The following POLR1A variants were observed in gnomAD, a reference collection of about 807,000 sequenced individuals.
POLR1A encodes DNA-directed RNA polymerase I subunit RPA1.
In POLR1A, 84 loss-of-function variants were observed where a neutral mutation model predicts 205.3. That is an observed-to-expected ratio of 0.41 (90% CI 0.34 to 0.49). The LOEUF is 0.49. Among genes scored for constraint, POLR1A ranks in the 20% least tolerant of loss-of-function variants. The pLI, the probability that POLR1A is intolerant of heterozygous loss-of-function variation, is 0.22. For missense variants in POLR1A, 1,645 were observed against 2,204.5 expected, an observed-to-expected ratio of 0.75 and a Z score of 5.08; for synonymous variants, 799 against 863.7, an observed-to-expected ratio of 0.93 and a Z score of 1.31.
At chr2:86,097,270 AG>A (rs1673723163) in intron 3 of POLR1A, among the ~76,000 whole-genome samples, 1 of 142,862 alleles carries the variant, frequency 7.0e-6, no homozygotes, top group South Asian at 2.4e-4. Context: ...TGTGGAGAAA[AG>A]GGAACTCTTA....
rs767220339 is a variant in POLR1A at position 86,098,668 on chromosome 2, C to T, written c.375G>A (p.Arg125=). The part of the protein sequence containing the change: ...AVIHLLLCQL[R]VLEVGALQAV... ...CTTGTAGGGCCCCGACTTCCAGAAC[C>T]CTCAGCTGGCAGAGTAAGAGGTGAA... The change falls in exon 3 of 34, where the codon AGG becomes AGA. Residue 125 remains arginine (R), a synonymous_variant. Transcript: ENST00000263857. The T allele has an allele frequency of 3.1e-6, 5 of 1,613,634 alleles. No homozygotes were observed. The highest frequency in any genetic ancestry group is 3.4e-6 in the Non-Finnish European group (4 of 1,179,924).
At chr2:86,048,635 A>G (rs1260001887) in intron 18 of POLR1A, among the ~76,000 whole-genome samples, 1 of 152,232 alleles carries the variant, frequency 6.6e-6, no homozygotes, top group Non-Finnish European at 1.5e-5. Flanking sequence ...AAACATTTAT[A>G]AAGAAAAACA....
Position 86,105,691 on chromosome 2 carries a change from A to ACTC in POLR1A, c.77+6_77+8dup. On this transcript the variant is annotated intron_variant, in intron 1 of 33. Coordinates refer to ENST00000263857, the MANE Select transcript of POLR1A (RefSeq NM_015425.6). ...CCAGGCTGGGCACGCTACCCGACCA[A>ACTC]CTCCTTACTTGAGCTCTTCAGCCGA... 1 of 1,603,334 alleles carries ACTC rather than the reference A, an allele frequency of 6.2e-7. No individual in the cohort carries two copies. The highest frequency in any genetic ancestry group is 1.1e-5 in the South Asian group (1 of 90,868).
chr2:86,096,081 T>G (rs536806659), intron 3 of POLR1A, among the ~76,000 whole-genome samples: 1 of 152,028 alleles, frequency 6.6e-6, no homozygotes, highest in South Asian at 2.1e-4. Flanking sequence ...CTCTTAGAAC[T>G]CATAAACAAA....
intron 11 of POLR1A, 58 bp from the exon 12 acceptor site, chr2:86,075,318 A>C: frequency 8.1e-7 from 1 of 1,228,314 alleles, no homozygotes; most frequent in Non-Finnish European, 1.2e-6. Context: ...GGTCTGATGG[A>C]CCCCAAATCT....
At chr2:86,056,455 A>T (rs184050088) in intron 14 of POLR1A, among the ~76,000 whole-genome samples, 1 of 152,186 alleles carries the variant, frequency 6.6e-6, no homozygotes, top group East Asian at 1.9e-4. Flanking sequence ...CCATCTCAAA[A>T]AGAAAAAAAA....
In POLR1A at chr2:86,070,164, CT is replaced by C; in HGVS notation, c.1719del (p.Val574CysfsTer21). 1 of 1,614,214 alleles carries C rather than the reference CT, an allele frequency of 6.2e-7. No homozygotes were observed. Among genetic ancestry groups the C allele is most frequent in the Non-Finnish European group, 8.5e-7 (1 of 1,180,040 alleles). ...CAGTTGGCATAGTGGAGCCGCAGCA[CT>C]TTCTCTTCAGGCAGGATGCGGGCAC... The part of the protein sequence containing the change: ...AHRARILPEE[K>X]VLRLHYANCK... On this transcript the variant is annotated frameshift_variant, in exon 13 of 34. Coordinates refer to ENST00000263857, the MANE Select transcript of POLR1A (RefSeq NM_015425.6). LOFTEE classifies it high-confidence loss of function. This position sits in a 1 kb window ranked among gnomAD's most constrained non-coding sequence, Gnocchi z 4.4.
chr2:86,039,021 G>A lies in POLR1A; in HGVS notation c.3877-164C>T, dbSNP rs1672550572. 2.3e-5 allele frequency: 16 copies of A among 684,770 alleles called. No homozygotes were observed. The South Asian group carries it at 3.1e-4, about 13-fold the overall frequency. 42.4% of individuals were successfully genotyped at this position (684,770 alleles called of 1,614,324 possible). A position where few individuals can be genotyped will look rare whatever the true frequency, so the allele number is the denominator to read the frequency against. On this transcript the variant is annotated intron_variant, in intron 26 of 33. Coordinates refer to ENST00000263857, the MANE Select transcript of POLR1A (RefSeq NM_015425.6). ...CTATACTGGTGTGGATCTGCTGGGG[G>A]GCCCACAGCCTGCAGTCACCTCCAG...
intron 6 of POLR1A, 111 bp from the exon 7 acceptor site, chr2:86,083,279 A>G (rs1261067480): frequency 1.3e-6 from 1 of 757,786 alleles, no homozygotes; most frequent in African/African-American, 1.7e-5. Context: ...CACAAAAATC[A>G]ATCTCAAGGG....
intron 1 of POLR1A, 142 bp from the exon 2 acceptor site, chr2:86,100,314 T>C: frequency 1.5e-6 from 1 of 662,888 alleles, no homozygotes; most frequent in African/African-American, 1.8e-5. Context: ...TTCTCACTAG[T>C]GTACCCCAAC....
At chr2:86,052,357 T>G (rs965758256) in intron 16 of POLR1A, among the ~76,000 whole-genome samples, 3 of 152,030 alleles carry the variant, frequency 2.0e-5, no homozygotes, top group African/African-American at 7.3e-5. Context: ...GTATGAGAAA[T>G]CAGTCCGAGG....
At chr2:86,074,098 C>T (rs550049926) in intron 12 of POLR1A, among the ~76,000 whole-genome samples, 18 of 152,282 alleles carry the variant, frequency 1.2e-4, no homozygotes, top group Non-Finnish European at 2.1e-4. Flanking sequence ...CTCAGGACGG[C>T]GGTGAGAACG....
At chr2:86,072,197 C>T (rs148046618) in intron 12 of POLR1A, among the ~76,000 whole-genome samples, 203 of 152,300 alleles carry the variant, frequency 1.3e-3, no homozygotes, top group African/African-American at 4.5e-3. Flanking sequence ...GCATGGAGTC[C>T]GTCTTTTTGC....
intron 1 of POLR1A, among the ~76,000 whole-genome samples, chr2:86,103,779 C>G (rs560947736): frequency 6.6e-6 from 1 of 152,174 alleles, no homozygotes; most frequent in South Asian, 2.1e-4. Context: ...CAAAAAGTCA[C>G]TAAAGCACCA....
At chr2:86,105,503 C>A (rs889307309) in intron 1 of POLR1A, among the ~76,000 whole-genome samples, 197 bp downstream of exon 1, 1 of 152,280 alleles carries the variant, frequency 6.6e-6, no homozygotes, top group East Asian at 1.9e-4. Context: ...AACTCTTTCC[C>A]CCAGCACCAC....
At position 86,045,718 on chromosome 2, in the gene POLR1A, T is replaced by A. The variant is rs762463029; in HGVS notation, c.2785A>T (p.Met929Leu). 6.2e-6 allele frequency: 10 copies of A among 1,609,852 alleles called. No homozygotes were observed. The highest frequency in any genetic ancestry group is 8.5e-6 in the Non-Finnish European group (10 of 1,179,020). Residue 929 changes from methionine (M) to leucine (L), a missense_variant, in exon 20 of 34, where the codon ATG becomes TTG. Physicochemically the swap from Met to Leu is conservative, Grantham distance 15 (BLOSUM62 2). Around this residue, in one of 16 missense-constraint regions of POLR1A, gnomAD observed 339 missense variants for 415.1 expected, o/e 0.82. Transcript: ENST00000263857. ...CAGGGCAGTGACTTGCCAGACGCCA[T>A]CAGCGGGGGTCTCCGACCTTCCAGT... ...IELEGRRPPL[M>L]ASGKSLPCFE...
chr2:86,045,049 G>C (rs773717720), intron 21 of POLR1A, among the ~76,000 whole-genome samples: 1 of 152,192 alleles, frequency 6.6e-6, no homozygotes, highest in African/African-American at 2.4e-5. Flanking sequence ...CCCAGGGAAT[G>C]GCAGACCCTC....
intron 2 of POLR1A, among the ~76,000 whole-genome samples, chr2:86,099,669 A>C (rs1035731039): frequency 2.0e-5 from 3 of 152,188 alleles, no homozygotes; most frequent in Non-Finnish European, 4.4e-5. Context: ...TCTGAAGAGC[A>C]CAAAGCCCCT....
At chr2:86,043,218 A>C in intron 22 of POLR1A, 23 bp from the exon 23 acceptor site, 1 of 1,572,582 alleles carries the variant, frequency 6.4e-7, no homozygotes, top group Non-Finnish European at 8.7e-7. Flanking sequence ...ACAAAAAAAC[A>C]AACAAACAAA....
Sources: gnomAD v4.1 joint callset for allele counts (sites outside exome capture counted in the v4.1 genomes callset) on GRCh38, gnomAD v4.1.1 for gene constraint, gnomAD v4.1.1 regional missense constraint, Gnocchi (gnomAD v3.1) non-coding constraint, MANE v1.5 for transcripts, NCBI Gene and HGNC (gene_info 2026-07-23, HGNC 2026-07-21) for gene names.